Variants in CDC42BPB observed in about 807,000 individuals in gnomAD.
The protein encoded by CDC42BPB is CDC42 binding protein kinase beta.
A neutral mutation model predicts 214.9 loss-of-function variants in CDC42BPB; 37 were observed. That is an observed-to-expected ratio of 0.17 (90% CI 0.13 to 0.23). The LOEUF is 0.23. CDC42BPB is among the 10% of genes least tolerant of loss of function. The probability of loss-of-function intolerance (pLI) is 1.00; values close to 1 mark genes in which losing one functional copy is unlikely to be tolerated. For missense variants in CDC42BPB, 1,694 were observed against 2,227.0 expected (o/e 0.76, Z 4.82); for synonymous variants, 931 against 884.0 (o/e 1.05, Z -0.94).
chr14:103,046,906 C>T (rs566949415), intron 1 of CDC42BPB, among the ~76,000 whole-genome samples: 1 of 152,022 alleles, frequency 6.6e-6, no homozygotes, highest in South Asian at 2.1e-4. Flanking sequence ...CTGCCTCGGC[C>T]TCCCAAAGTG....
chr14:103,010,620 G>A (rs1159278966), intron 2 of CDC42BPB, among the ~76,000 whole-genome samples: 1 of 152,244 alleles, frequency 6.6e-6, no homozygotes, highest in Non-Finnish European at 1.5e-5. Context: ...CTGCTGGGAT[G>A]TGACACAGGG....
intron 4 of CDC42BPB, among the ~76,000 whole-genome samples, chr14:103,000,391 G>A (rs1894924447): frequency 6.6e-6 from 1 of 152,270 alleles, no homozygotes; most frequent in Non-Finnish European, 1.5e-5. Context: ...AGGACAGCCT[G>A]TCTCTTGCAG....
intron 21 of CDC42BPB, among the ~76,000 whole-genome samples, chr14:102,958,323 G>A (rs554022487): frequency 1.3e-5 from 2 of 152,332 alleles, no homozygotes; most frequent in Non-Finnish European, 2.9e-5. Context: ...TACTTCAGAG[G>A]AAGAAAGTCT....
At chr14:103,053,642 G>A (rs931307077) in intron 1 of CDC42BPB, among the ~76,000 whole-genome samples, 4 of 150,006 alleles carry the variant, frequency 2.7e-5, no homozygotes, top group South Asian at 2.1e-4. Flanking sequence ...GGCGCCTGTA[G>A]TCCCAGCTAC....
In CDC42BPB at chr14:102,964,531, C is replaced by A; in HGVS notation, c.2697G>T (p.Lys899Asn). The A allele has an allele frequency of 6.2e-7, 1 of 1,613,866 alleles. No homozygotes were observed. The highest frequency in any genetic ancestry group is 8.5e-7 in the Non-Finnish European group (1 of 1,180,000). Residue 899 changes from lysine (K) to asparagine (N), a missense_variant, in exon 19 of 37, where the codon AAG (lysine) becomes AAT (asparagine). Around this residue, in one of 7 missense-constraint regions of CDC42BPB, gnomAD observed 156 missense variants for 154.5 expected, o/e 1.01. Coordinates refer to ENST00000361246, the MANE Select transcript of CDC42BPB (RefSeq NM_006035.4). ...CCAAGGTGAGGTTGGCGTCCTTGAC[C>A]TTCCTGAGCTCCTCCTGGACAAGCT... ...AKQLVQEELR[K>N]VKDANLTLES... is the part of the protein sequence containing the mutation.
intron 1 of CDC42BPB, among the ~76,000 whole-genome samples, chr14:103,053,580 T>C (rs1166325765): frequency 4.6e-5 from 7 of 151,042 alleles, no homozygotes; most frequent in African/African-American, 9.7e-5. Flanking sequence ...GCTAACACGG[T>C]GAAACCCCGT....
intron 34 of CDC42BPB, among the ~76,000 whole-genome samples, chr14:102,938,940 A>ATTT (rs528691728): frequency 8.2e-6 from 1 of 121,304 alleles, no homozygotes; most frequent in Non-Finnish European, 1.8e-5. Flanking sequence ...AAAATACATA[A>ATTT]TTTTTTTTTT....
rs28491709 is a variant in CDC42BPB, at chr14:103,020,008, C to G, written c.176-7820G>C. The stretch of plus-strand genomic sequence containing the variant: ...AGATGAGACCAGCTGGAAGGAGTGC[C>G]CAGGGTGGGAGGGTCTGAGGAAAGA... On this transcript the variant is annotated intron_variant, in intron 1 of 36. Transcript: ENST00000361246. Among the ~76,000 whole-genome samples, 1,047 of 152,272 alleles carry G rather than the reference C, an allele frequency of 6.9e-3. 11 individuals carry two copies. The highest frequency in any genetic ancestry group is 0.024 in the African/African-American group (1,001 of 41,558).
At chr14:103,019,356 C>T (rs935454267) in intron 1 of CDC42BPB, among the ~76,000 whole-genome samples, 2 of 152,222 alleles carry the variant, frequency 1.3e-5, no homozygotes, top group East Asian at 1.9e-4. Context: ...CTGTCCACCA[C>T]GCCTTGCATT....
intron 6 of CDC42BPB, 66 bp from the exon 7 acceptor site, chr14:102,983,822 T>G: frequency 1.3e-6 from 2 of 1,539,612 alleles, no homozygotes; most frequent in Non-Finnish European, 1.7e-6. Context: ...TCCAACTACT[T>G]TCTCTAAAAT....
At chr14:102,995,786 T>C (rs1181730908) in intron 5 of CDC42BPB, among the ~76,000 whole-genome samples, 5 of 152,206 alleles carry the variant, frequency 3.3e-5, no homozygotes, top group African/African-American at 4.8e-5. Context: ...CGCCGTAAAG[T>C]TGGCCACACC....
At chr14:102,950,725 G>A (rs936464139) in intron 24 of CDC42BPB, 123 bp from the exon 25 acceptor site, 33 of 1,370,352 alleles carry the variant, frequency 2.4e-5, no homozygotes, top group African/African-American at 9.1e-5. Context: ...CAGCACTTTC[G>A]GAGGCCGAGG....
chr14:103,003,247 AC>A (rs1270289063), intron 4 of CDC42BPB, among the ~76,000 whole-genome samples: 2 of 152,114 alleles, frequency 1.3e-5, no homozygotes, highest in Non-Finnish European at 2.9e-5. Flanking sequence ...ACCTAGAGTC[AC>A]TCTAGGAATA....
At chr14:102,977,075 C>A (rs1893779521) in intron 9 of CDC42BPB, among the ~76,000 whole-genome samples, 1 of 152,098 alleles carries the variant, frequency 6.6e-6, no homozygotes, top group African/African-American at 2.4e-5. Context: ...GGCGCGGTGG[C>A]TCACGCCTGT....
rs1891804678 is a variant in CDC42BPB at position 102,939,764 on chromosome 14, G to A, written c.4710-37C>T. ...ACACACTTTTGAGATTCATGGATAC[G>A]TGAGAATCCTCTTGGCCCCCTCCCT... On this transcript the variant is annotated intron_variant, in intron 33 of 36. Coordinates refer to ENST00000361246, the MANE Select transcript of CDC42BPB (RefSeq NM_006035.4). 8.1e-6 allele frequency: 13 copies of A among 1,613,910 alleles called. 1 individual carries two copies. Among genetic ancestry groups the A allele is most frequent in the South Asian group, 2.2e-5 (2 of 91,086 alleles).
At chr14:102,934,696 TG>T (rs1413905874) in intron 36 of CDC42BPB, among the ~76,000 whole-genome samples, 1 of 151,892 alleles carries the variant, frequency 6.6e-6, no homozygotes, top group Admixed American at 6.6e-5. Context: ...TACCCAATGG[TG>T]AGAGACAAAA....
chr14:102,951,905 C>G (rs1892507477), intron 24 of CDC42BPB, among the ~76,000 whole-genome samples: 1 of 152,200 alleles, frequency 6.6e-6, no homozygotes, highest in Non-Finnish European at 1.5e-5. Context: ...TACTTTTCCT[C>G]TCTGATTTTC....
chr14:103,046,642 A>C (rs1384020137), intron 1 of CDC42BPB, among the ~76,000 whole-genome samples: 1 of 152,136 alleles, frequency 6.6e-6, no homozygotes, highest in Non-Finnish European at 1.5e-5. Context: ...TGTTACAAAA[A>C]GGAATACTGA....
Position 102,978,137 on chromosome 14 carries a change from G to A in CDC42BPB, c.1209C>T (p.Phe403=). Residue 403 remains phenylalanine, a synonymous_variant, in exon 9 of 37, where the codon TTC becomes TTT. Transcript: ENST00000361246. ...AAATCCAGACATACCTTTCCGTTGTGAATGTAAAACCAATGAATGGCAAAT... is the reference window on the plus strand; with the variant it reads ...AAATCCAGACATACCTTTCCGTTGTAAATGTAAAACCAATGAATGGCAAAT... ...GLHLPFIGFT[F]TTESCFSDRG... 1 of 1,612,138 alleles carries A rather than the reference G, an allele frequency of 6.2e-7. No individual in the cohort carries two copies. Among genetic ancestry groups the A allele is most frequent in the Non-Finnish European group, 8.5e-7 (1 of 1,178,226 alleles).
Sources: gnomAD v4.1 joint callset for allele counts (sites outside exome capture counted in the v4.1 genomes callset) on GRCh38, gnomAD v4.1.1 for gene constraint, gnomAD v4.1.1 regional missense constraint, MANE v1.5 for transcripts, NCBI Gene and HGNC (gene_info 2026-07-23, HGNC 2026-07-21) for gene names.